PURA: variants seen among roughly 807,000 people sequenced by gnomAD.
The protein encoded by PURA is purine rich element binding protein A.
PURA carries 2 observed loss-of-function variants against 23.1 expected under a neutral mutation model. The ratio of observed to expected loss-of-function variants is 0.09; its 90% CI spans 0.04 to 0.27. PURA has a LOEUF of 0.27. Among genes scored for constraint, PURA ranks in the 10% least tolerant of loss-of-function variants. The probability of loss-of-function intolerance (pLI) is 1.00; values close to 1 mark genes in which losing one functional copy is unlikely to be tolerated. For missense variants in PURA, 187 were observed against 449.7 expected (o/e 0.42, Z 5.28); for synonymous variants, 254 against 205.9 (o/e 1.23, Z -2.00).
rs991138749 is a variant in PURA at position 140,114,148 on chromosome 5, A to AGGCGGC, written c.-26_-21dup. 7 of 513,798 alleles carry AGGCGGC rather than the reference A, an allele frequency of 1.4e-5. No individual in the cohort carries two copies. The highest frequency in any genetic ancestry group is 2.0e-5 in the African/African-American group (1 of 48,920). 31.8% of individuals were successfully genotyped at this position (513,798 alleles called of 1,614,324 possible). ...CGACTGAGGCGGCGGGCGGAGCGGC[A>AGGCGGC]GGCGGCGGCGGCGCGGCAGCGGAGC... On this transcript the variant is annotated 5_prime_UTR_variant, in exon 1 of 1. Transcript: ENST00000331327.
At position 140,114,566 on chromosome 5, in the gene PURA, C is replaced by G; in HGVS notation, c.385C>G (p.Pro129Ala). ...EHYAQLGPSQ[P>A]PDLAQAQDEP... Reference sequence around the variant, plus strand: ...CTACGCGCAGCTGGGCCCCAGCCAGCCGCCGGACCTGGCCCAGGCGCAGGA... The same window carrying G: ...CTACGCGCAGCTGGGCCCCAGCCAGGCGCCGGACCTGGCCCAGGCGCAGGA... Residue 129 changes from proline (P) to alanine (A), a missense_variant, in exon 1 of 1, where the codon CCG becomes GCG. Physicochemically the swap from Pro to Ala is conservative, Grantham distance 27. This residue lies in a region of PURA where 26 missense variants were observed against 29.1 expected (regional missense o/e 0.89). Coordinates refer to ENST00000331327, the MANE Select transcript of PURA (RefSeq NM_005859.5). 1 of 1,602,178 alleles carries G rather than the reference C, an allele frequency of 6.2e-7. No individual in the cohort carries two copies. The highest frequency in any genetic ancestry group is 8.5e-7 in the Non-Finnish European group (1 of 1,176,354).
rs1366887222 is a variant in PURA, at chr5:140,120,179, A to G, written c.*5029A>G. ...TATAGTTTATTATCCCTAAATTTGA[A>G]TATCTTCATAATTTGGAGAGAGATG... On this transcript the variant is annotated 3_prime_UTR_variant, in exon 1 of 1. Coordinates refer to ENST00000331327, the MANE Select transcript of PURA (RefSeq NM_005859.5). 3 of 166,768 alleles carry G rather than the reference A, an allele frequency of 1.8e-5. No individual in the cohort carries two copies. Among genetic ancestry groups the G allele is most frequent in the African/African-American group, 7.2e-5 (3 of 41,414 alleles). The allele number at this position is 166,768 out of a possible 1,614,324, so 10.3% of individuals were successfully genotyped here.
chr5:140,118,578 T>A lies in PURA; in HGVS notation c.*3428T>A, dbSNP rs1278471557. 6.0e-6 allele frequency: 1 copy of A among 166,950 alleles called. No individual in the cohort carries two copies. Among genetic ancestry groups the A allele is most frequent in the Non-Finnish European group, 1.5e-5 (1 of 68,040 alleles). The allele number at this position is 166,950 out of a possible 1,614,324, so 10.3% of individuals were successfully genotyped here. The stretch of plus-strand genomic sequence containing the variant: ...TGCCTTTGACAACAAAGGAAGTTCA[T>A]AAGAAAAGCCATGTCGGCTTTTCCT... On this transcript the variant is annotated 3_prime_UTR_variant, in exon 1 of 1. Transcript: ENST00000331327.
rs1273006641 is a variant in PURA, at chr5:140,124,334, A to G, written c.*9184A>G. 6.0e-6 allele frequency: 1 copy of G among 166,828 alleles called. No homozygotes were observed. Among genetic ancestry groups the G allele is most frequent in the African/African-American group, 2.4e-5 (1 of 41,400 alleles). 10.3% of individuals were successfully genotyped at this position (166,828 alleles called of 1,614,324 possible). On this transcript the variant is annotated 3_prime_UTR_variant, in exon 1 of 1. Transcript: ENST00000331327. Reference sequence around the variant, plus strand: ...TTTTCAGATCTGGTTTATTTTTGGAATGCCTGAGTGTGTTTCCAGATTGGG... The same window carrying G: ...TTTTCAGATCTGGTTTATTTTTGGAGTGCCTGAGTGTGTTTCCAGATTGGG...
Position 140,124,396 on chromosome 5 carries a change from T to C in PURA, c.*9246T>C, listed in dbSNP as rs765916664. The C allele has an allele frequency of 6.0e-6, 1 of 167,042 alleles. No individual in the cohort carries two copies. The highest frequency in any genetic ancestry group is 1.5e-5 in the Non-Finnish European group (1 of 68,082). 10.3% of individuals were successfully genotyped at this position (167,042 alleles called of 1,614,324 possible). A position where few individuals can be genotyped will look rare whatever the true frequency, so the allele number is the denominator to read the frequency against. ...GGTGTTTTACTTTTTGACATGCTCT[T>C]AGCATGTTTTGCTAGTCATTCTGGA... On this transcript the variant is annotated 3_prime_UTR_variant, in exon 1 of 1. Transcript: ENST00000331327.
rs1763174364 is a variant in PURA, at chr5:140,123,536, T to C, written c.*8386T>C. ...TCAATATTCCACCCAAAGCAAAAAT[T>C]ATATGCAATTAAAAATATTTTATAA... is the stretch of plus-strand genomic sequence containing the variant. On this transcript the variant is annotated 3_prime_UTR_variant, in exon 1 of 1. Coordinates refer to ENST00000331327, the MANE Select transcript of PURA (RefSeq NM_005859.5). 1 of 166,416 alleles carries C rather than the reference T, an allele frequency of 6.0e-6. No individual in the cohort carries two copies. Among genetic ancestry groups the C allele is most frequent in the Non-Finnish European group, 1.5e-5 (1 of 68,088 alleles). 10.3% of individuals were successfully genotyped at this position (166,416 alleles called of 1,614,324 possible). A position where few individuals can be genotyped will look rare whatever the true frequency, so the allele number is the denominator to read the frequency against.
Position 140,118,076 on chromosome 5 carries a change from G to A in PURA, c.*2926G>A, listed in dbSNP as rs2126751020. On this transcript the variant is annotated 3_prime_UTR_variant, in exon 1 of 1. Coordinates refer to ENST00000331327, the MANE Select transcript of PURA (RefSeq NM_005859.5). ...ATTTTTCCTTGTTTTTATTTTACTA[G>A]TTGGTAAACCCTGTTTATGCTGAAA... 1 of 166,598 alleles carries A rather than the reference G, an allele frequency of 6.0e-6. No individual in the cohort carries two copies. The highest frequency in any genetic ancestry group is 2.1e-4 in the South Asian group (1 of 4,814). 10.3% of individuals were successfully genotyped at this position (166,598 alleles called of 1,614,324 possible). A position where few individuals can be genotyped will look rare whatever the true frequency, so the allele number is the denominator to read the frequency against.
chr5:140,114,148 A>T lies in PURA; in HGVS notation c.-34A>T. On this transcript the variant is annotated 5_prime_UTR_variant, in exon 1 of 1. Coordinates refer to ENST00000331327, the MANE Select transcript of PURA (RefSeq NM_005859.5). ...CGACTGAGGCGGCGGGCGGAGCGGCAGGCGGCGGCGGCGCGGCAGCGGAGC... is the reference window on the plus strand; with the variant it reads ...CGACTGAGGCGGCGGGCGGAGCGGCTGGCGGCGGCGGCGCGGCAGCGGAGC... The T allele has an allele frequency of 3.9e-6, 2 of 513,900 alleles. No individual in the cohort carries two copies. The highest frequency in any genetic ancestry group is 5.7e-6 in the Non-Finnish European group (2 of 350,088). 31.8% of individuals were successfully genotyped at this position (513,900 alleles called of 1,614,324 possible).
chr5:140,116,932 C>A lies in PURA; in HGVS notation c.*1782C>A. The A allele has an allele frequency of 1.8e-5, 3 of 166,900 alleles. No individual in the cohort carries two copies. The allele number at this position is 166,900 out of a possible 1,614,324, so 10.3% of individuals were successfully genotyped here. On this transcript the variant is annotated 3_prime_UTR_variant, in exon 1 of 1. Coordinates refer to ENST00000331327, the MANE Select transcript of PURA (RefSeq NM_005859.5). ...AACTGCTGTATGTATAAGACACCAC[C>A]TGTAGGAGCGGGAAGGTATCAGTGC...
rs1280795440 is a variant in PURA, at chr5:140,124,441, G to T, written c.*9291G>T. 6.0e-6 allele frequency: 1 copy of T among 166,988 alleles called. No individual in the cohort carries two copies. Among genetic ancestry groups the T allele is most frequent in the Non-Finnish European group, 1.5e-5 (1 of 68,084 alleles). 10.3% of individuals were successfully genotyped at this position (166,988 alleles called of 1,614,324 possible). On this transcript the variant is annotated 3_prime_UTR_variant, in exon 1 of 1. Coordinates refer to ENST00000331327, the MANE Select transcript of PURA (RefSeq NM_005859.5). ...TCTGGATCTTATGTTTGCAAATTCT[G>T]TTGAACATTCAGTGATGTATTTGAA...
chr5:140,121,465 C>T lies in PURA; in HGVS notation c.*6315C>T, dbSNP rs949005246. 8 of 166,826 alleles carry T rather than the reference C, an allele frequency of 4.8e-5. No homozygotes were observed. Among genetic ancestry groups the T allele is most frequent in the Non-Finnish European group, 5.9e-5 (4 of 67,972 alleles). The allele number at this position is 166,826 out of a possible 1,614,324, so 10.3% of individuals were successfully genotyped here. On this transcript the variant is annotated 3_prime_UTR_variant, in exon 1 of 1. Coordinates refer to ENST00000331327, the MANE Select transcript of PURA (RefSeq NM_005859.5). ...TGGAGTGGATTGGCAATTTTAAATG[C>T]AGGTAGTTGGTGGTGGTACTTGACC...
rs758913917 is a variant in PURA, at chr5:140,123,118, T to G, written c.*7968T>G. On this transcript the variant is annotated 3_prime_UTR_variant, in exon 1 of 1. Coordinates refer to ENST00000331327, the MANE Select transcript of PURA (RefSeq NM_005859.5). ...TTTCACATTTTATTGTGTCAGATTT[T>G]AAATTATAATAGTTATATACTATAA... 6.0e-6 allele frequency: 1 copy of G among 166,968 alleles called. No homozygotes were observed. The highest frequency in any genetic ancestry group is 2.4e-5 in the African/African-American group (1 of 41,442). 10.3% of individuals were successfully genotyped at this position (166,968 alleles called of 1,614,324 possible). A position where few individuals can be genotyped will look rare whatever the true frequency, so the allele number is the denominator to read the frequency against.
Position 140,119,307 on chromosome 5 carries a change from T to C in PURA, c.*4157T>C, listed in dbSNP as rs1399053218. 1.2e-5 allele frequency: 2 copies of C among 166,944 alleles called. No homozygotes were observed. Among genetic ancestry groups the C allele is most frequent in the Non-Finnish European group, 2.9e-5 (2 of 67,986 alleles). The allele number at this position is 166,944 out of a possible 1,614,324, so 10.3% of individuals were successfully genotyped here. A position where few individuals can be genotyped will look rare whatever the true frequency, so the allele number is the denominator to read the frequency against. On this transcript the variant is annotated 3_prime_UTR_variant, in exon 1 of 1. Transcript: ENST00000331327. Reference sequence around the variant, plus strand: ...TTTTGTCAAATTTTTAGGTATTTAATTTGTAAAACAGTTTGCTTTGTACTG... The same window carrying C: ...TTTTGTCAAATTTTTAGGTATTTAACTTGTAAAACAGTTTGCTTTGTACTG...
In PURA at chr5:140,124,832, A is replaced by G. The variant is rs2126753617; in HGVS notation, c.*9682A>G. The G allele has an allele frequency of 6.0e-6, 1 of 167,124 alleles. No homozygotes were observed. Among genetic ancestry groups the G allele is most frequent in the Non-Finnish European group, 1.5e-5 (1 of 68,092 alleles). The allele number at this position is 167,124 out of a possible 1,614,324, so 10.4% of individuals were successfully genotyped here. On this transcript the variant is annotated 3_prime_UTR_variant, in exon 1 of 1. Coordinates refer to ENST00000331327, the MANE Select transcript of PURA (RefSeq NM_005859.5). Reference sequence around the variant, plus strand: ...GTCTCCAAACCTTTTCTTGGAGACAAAATTTACCACATATCGAAAATGAAA... The same window carrying G: ...GTCTCCAAACCTTTTCTTGGAGACAGAATTTACCACATATCGAAAATGAAA...
At position 140,121,484 on chromosome 5, in the gene PURA, C is replaced by T. The variant is rs2126752473; in HGVS notation, c.*6334C>T. On this transcript the variant is annotated 3_prime_UTR_variant, in exon 1 of 1. Coordinates refer to ENST00000331327, the MANE Select transcript of PURA (RefSeq NM_005859.5). ...TAAATGCAGGTAGTTGGTGGTGGTA[C>T]TTGACCTACCTCCTTACCATGTACA... 6.0e-6 allele frequency: 1 copy of T among 166,972 alleles called. No individual in the cohort carries two copies. The highest frequency in any genetic ancestry group is 2.1e-4 in the South Asian group (1 of 4,824). 10.3% of individuals were successfully genotyped at this position (166,972 alleles called of 1,614,324 possible). A position where few individuals can be genotyped will look rare whatever the true frequency, so the allele number is the denominator to read the frequency against.
At position 140,122,664 on chromosome 5, in the gene PURA, T is replaced by G. The variant is rs904781423; in HGVS notation, c.*7514T>G. The G allele has an allele frequency of 6.0e-6, 1 of 166,808 alleles. No individual in the cohort carries two copies. The highest frequency in any genetic ancestry group is 2.4e-5 in the African/African-American group (1 of 41,404). The allele number at this position is 166,808 out of a possible 1,614,324, so 10.3% of individuals were successfully genotyped here. A position where few individuals can be genotyped will look rare whatever the true frequency, so the allele number is the denominator to read the frequency against. Reference sequence around the variant, plus strand: ...TTTAAAATTGTAGTATTCCCAAGAGTTCAGTGGTGGCAAATGTTAATAAAA... The same window carrying G: ...TTTAAAATTGTAGTATTCCCAAGAGGTCAGTGGTGGCAAATGTTAATAAAA... On this transcript the variant is annotated 3_prime_UTR_variant, in exon 1 of 1. Coordinates refer to ENST00000331327, the MANE Select transcript of PURA (RefSeq NM_005859.5).
rs565973883 is a variant in PURA at position 140,124,179 on chromosome 5, T to G, written c.*9029T>G. ...CAAAAAAATTTAAAAATTGATAGTT[T>G]TATCAATGGAACAGAGAGATGTGTT... On this transcript the variant is annotated 3_prime_UTR_variant, in exon 1 of 1. Transcript: ENST00000331327. 1 of 167,176 alleles carries G rather than the reference T, an allele frequency of 6.0e-6. No homozygotes were observed. The highest frequency in any genetic ancestry group is 1.5e-5 in the Non-Finnish European group (1 of 68,080). 10.4% of individuals were successfully genotyped at this position (167,176 alleles called of 1,614,324 possible). A position where few individuals can be genotyped will look rare whatever the true frequency, so the allele number is the denominator to read the frequency against.
At position 140,124,734 on chromosome 5, in the gene PURA, T is replaced by C; in HGVS notation, c.*9584T>C. 6.0e-6 allele frequency: 1 copy of C among 167,156 alleles called. No individual in the cohort carries two copies. 10.4% of individuals were successfully genotyped at this position (167,156 alleles called of 1,614,324 possible). ...ATTAAGAGTTATCTAACTTTTATGTTGTCAAATCTTTAAATGTGGATGATA... is the reference window on the plus strand; with the variant it reads ...ATTAAGAGTTATCTAACTTTTATGTCGTCAAATCTTTAAATGTGGATGATA... On this transcript the variant is annotated 3_prime_UTR_variant, in exon 1 of 1. Coordinates refer to ENST00000331327, the MANE Select transcript of PURA (RefSeq NM_005859.5).
Position 140,120,688 on chromosome 5 carries a change from CA to C in PURA, c.*5539del, listed in dbSNP as rs1241760734. The C allele has an allele frequency of 6.0e-6, 1 of 166,214 alleles. No individual in the cohort carries two copies. The highest frequency in any genetic ancestry group is 1.5e-5 in the Non-Finnish European group (1 of 67,914). The allele number at this position is 166,214 out of a possible 1,614,324, so 10.3% of individuals were successfully genotyped here. A position where few individuals can be genotyped will look rare whatever the true frequency, so the allele number is the denominator to read the frequency against. ...TAGAATTTCATGATAAAAGAACAACCAGATGAAATAAGAAATAATGATTGGT... is the reference window on the plus strand; with the variant it reads ...TAGAATTTCATGATAAAAGAACAACCGATGAAATAAGAAATAATGATTGGT... On this transcript the variant is annotated 3_prime_UTR_variant, in exon 1 of 1. Transcript: ENST00000331327.
Sources: gnomAD v4.1 joint callset for allele counts on GRCh38, gnomAD v4.1.1 for gene constraint, gnomAD v4.1.1 regional missense constraint, MANE v1.5 for transcripts, NCBI Gene and HGNC (gene_info 2026-07-23, HGNC 2026-07-21) for gene names.